The following FER1L6 variants were observed in gnomAD, a reference collection of about 807,000 sequenced individuals.
FER1L6 encodes the protein fer-1 like family member 6.
In FER1L6, 177 loss-of-function variants were observed where a neutral mutation model predicts 219.2. That is an observed-to-expected ratio of 0.81 (90% CI 0.71 to 0.91). FER1L6 has a LOEUF of 0.91. FER1L6 is among the 40% of genes least tolerant of loss of function. The pLI is 0.00. For synonymous variants in FER1L6, 768 were observed against 824.3 expected (o/e 0.93, Z 1.17); for missense variants, 2,153 against 2,259.9 (o/e 0.95, Z 0.96).
chr8:124,067,837 T>C (rs1820890598), intron 28 of FER1L6, 31 bp downstream of exon 28: 4 of 1,577,934 alleles, frequency 2.5e-6, no homozygotes, highest in Non-Finnish European at 2.6e-6. Flanking sequence ...CATTTGTCCA[T>C]AGAATAGGGC....
In FER1L6 at chr8:123,975,259, C is replaced by T. The variant is rs1191320405; in HGVS notation, c.636C>T (p.Val212=). 1.9e-6 allele frequency: 3 copies of T among 1,613,218 alleles called. No individual in the cohort carries two copies. The African/African-American group carries it at 4.0e-5, about 22-fold the overall frequency. Residue 212 remains valine (V), a synonymous_variant, in exon 8 of 41, where the codon GTC becomes GTT. Coordinates refer to ENST00000522917, the MANE Select transcript of FER1L6 (RefSeq NM_001039112.2). ...CDISVMGKGD[V]LKTSPKTSDT... ...TCAGTGTCATGGGAAAAGGTGATGT[C>T]TTGAAGACCAGCCCTAAAACTTCTG...
At chr8:123,985,928 G>T in intron 11 of FER1L6, 140 bp from the exon 12 acceptor site, 1 of 604,546 alleles carries the variant, frequency 1.7e-6, no homozygotes, top group Non-Finnish European at 2.9e-6. Context: ...CTTATTTGGG[G>T]GGAAACGCTG....
intron 1 of FER1L6, among the ~76,000 whole-genome samples, chr8:123,894,871 G>T (rs888245575): frequency 6.6e-6 from 1 of 152,160 alleles, no homozygotes; most frequent in Non-Finnish European, 1.5e-5. Flanking sequence ...GATAGTAATG[G>T]AGTACAATCC....
rs1816288474 is a variant in FER1L6, at chr8:123,980,794, T to C, written c.1393T>C (p.Phe465Leu). ...CTCAACCGAGGTGGAGGTGGAATCG[T>C]TCGATGTCCCCCCGGAGGTAGGTCT... Reference protein sequence around the residue: ...TNSTEVEVESFDVPPEIVPEK... With the variant: ...TNSTEVEVESLDVPPEIVPEK... Residue 465 changes from phenylalanine (F) to leucine (L), a missense_variant, in exon 11 of 41, where the codon TTC becomes CTC. By Grantham distance (22) the Phe-to-Leu change is conservative (BLOSUM62 0). Transcript: ENST00000522917. The C allele has an allele frequency of 6.2e-7, 1 of 1,613,658 alleles. No individual in the cohort carries two copies. Among genetic ancestry groups the C allele is most frequent in the South Asian group, 1.1e-5 (1 of 91,022 alleles).
At chr8:123,919,578 C>T (rs1392134137) in intron 1 of FER1L6, among the ~76,000 whole-genome samples, 1 of 152,210 alleles carries the variant, frequency 6.6e-6, no homozygotes, top group Non-Finnish European at 1.5e-5. Flanking sequence ...GAACAGTAAG[C>T]CATGTGCTTG....
chr8:123,865,917 G>A (rs1378206686), intron 1 of FER1L6, among the ~76,000 whole-genome samples: 1 of 151,358 alleles, frequency 6.6e-6, no homozygotes, highest in East Asian at 1.9e-4. Context: ...TACCTCAGAT[G>A]GAAATGCAGA....
intron 21 of FER1L6, among the ~76,000 whole-genome samples, chr8:124,048,071 A>G (rs947488651): frequency 2.0e-5 from 3 of 152,232 alleles, no homozygotes; most frequent in African/African-American, 7.2e-5. Flanking sequence ...CAGCTGCCCT[A>G]ACTCCACCCA....
rs75279535 is a variant in FER1L6 at position 123,864,768 on chromosome 8, C to T, written c.-8+12583C>T. 5.3e-5 allele frequency among the ~76,000 whole-genome samples: 8 copies of T among 149,934 alleles called. 1 individual carries two copies. The highest frequency in any genetic ancestry group is 1.0e-4 in the African/African-American group (4 of 39,394). On this transcript the variant is annotated intron_variant, in intron 1 of 40. Transcript: ENST00000522917. ...GCTGATACCCTTTCTTCCAGTTGAT[C>T]GCATCGGCTCCTGAGGCTTCTGCAT...
At chr8:123,912,276 G>T (rs1813058967) in intron 1 of FER1L6, among the ~76,000 whole-genome samples, 1 of 96,164 alleles carries the variant, frequency 1.0e-5, no homozygotes. Context: ...ACTTGTCAAT[G>T]TTTAAAAAAA....
At chr8:123,900,131 G>A (rs1477658839) in intron 1 of FER1L6, among the ~76,000 whole-genome samples, 1 of 152,192 alleles carries the variant, frequency 6.6e-6, no homozygotes, top group African/African-American at 2.4e-5. Flanking sequence ...CCATGAGCAT[G>A]AGATGTGTTT....
chr8:124,035,509 A>G, intron 19 of FER1L6, 55 bp downstream of exon 19: 1 of 1,545,882 alleles, frequency 6.5e-7, no homozygotes, highest in Non-Finnish European at 8.7e-7. Flanking sequence ...GGGCTTCTGA[A>G]AAGATAATAA....
At chr8:123,973,677 A>G (rs140076809) in intron 7 of FER1L6, among the ~76,000 whole-genome samples, 165 bp downstream of exon 7, 84 of 152,360 alleles carry the variant, frequency 5.5e-4, no homozygotes, top group African/African-American at 1.9e-3. Flanking sequence ...AATGTTTTAC[A>G]GTCTAATGAT....
chr8:123,898,781 G>GTATATACATGTATACA (rs201509499), intron 1 of FER1L6, among the ~76,000 whole-genome samples: 1 of 135,844 alleles, frequency 7.4e-6, no homozygotes, highest in Non-Finnish European at 1.5e-5. Flanking sequence ...GTATATATAC[G>GTATATACATGTATACA]TATGTACATA....
chr8:123,894,858 A>G (rs769085882), intron 1 of FER1L6, among the ~76,000 whole-genome samples: 1 of 152,212 alleles, frequency 6.6e-6, no homozygotes, highest in Non-Finnish European at 1.5e-5. Flanking sequence ...TAGCCATGGT[A>G]ATGATAGTAA....
chr8:124,109,411 T>C (rs1038592858), intron 39 of FER1L6, among the ~76,000 whole-genome samples: 3 of 152,204 alleles, frequency 2.0e-5, no homozygotes, highest in African/African-American at 7.2e-5. Flanking sequence ...CTTGAACATG[T>C]CTAGTCCCTA....
chr8:124,060,757 C>T, intron 24 of FER1L6, 48 bp downstream of exon 24: 2 of 1,588,392 alleles, frequency 1.3e-6, no homozygotes, highest in Non-Finnish European at 1.7e-6. Context: ...CTTTTTTGCA[C>T]AGATGAGATG....
intron 1 of FER1L6, among the ~76,000 whole-genome samples, chr8:123,858,476 C>G (rs746543189): frequency 1.6e-4 from 24 of 152,166 alleles, no homozygotes; most frequent in Non-Finnish European, 2.6e-4. Flanking sequence ...TTCTTGCTGA[C>G]TGGCAGTCTA....
intron 1 of FER1L6, among the ~76,000 whole-genome samples, chr8:123,915,304 G>C (rs1453569691): frequency 6.6e-6 from 1 of 152,210 alleles, no homozygotes; most frequent in East Asian, 1.9e-4. Context: ...TAGCCAGGGG[G>C]GTGAGGGGCA....
chr8:124,097,855 C>CA lies in FER1L6; in HGVS notation c.4860dup (p.Ser1621IlefsTer3). 1 of 1,596,216 alleles carries CA rather than the reference C, an allele frequency of 6.3e-7. No individual in the cohort carries two copies. The highest frequency in any genetic ancestry group is 2.2e-5 in the East Asian group (1 of 44,764). On this transcript the variant is annotated frameshift_variant, in exon 37 of 41. Transcript: ENST00000522917. LOFTEE classifies it high-confidence loss of function. ...AGAGGATGAGAATATCTTCACAGGC[C>CA]AAAAATCAAGTGATATTTATGTGAA...
Sources: allele counts gnomAD v4.1 joint callset (sites outside exome capture counted in the v4.1 genomes callset), GRCh38; gene constraint gnomAD v4.1.1; transcripts MANE v1.5; gene names NCBI Gene and HGNC (gene_info 2026-07-23, HGNC 2026-07-21).